The following SGK1 variants were observed in gnomAD, a reference collection of about 807,000 sequenced individuals.
SGK1 encodes serine/threonine-protein kinase Sgk1.
A neutral mutation model predicts 64.2 loss-of-function variants in SGK1; 26 were observed. The observed-to-expected ratio is 0.40, with a 90% CI of 0.30 to 0.56. SGK1 has a LOEUF of 0.56. Among genes scored for constraint, SGK1 ranks in the 20% least tolerant of loss-of-function variants. The pLI is 0.38. For missense variants in SGK1, 519 were observed against 645.6 expected, an observed-to-expected ratio of 0.80 and a Z score of 2.12; for synonymous variants, 265 against 239.7, an observed-to-expected ratio of 1.11 and a Z score of -0.98.
At chr6:134,187,501 T>C (rs936493372) in intron 3 of SGK1, among the ~76,000 whole-genome samples, 7 of 152,188 alleles carry the variant, frequency 4.6e-5, no homozygotes, top group African/African-American at 1.7e-4. Flanking sequence ...TGGATGTTGA[T>C]TCAGAGCATA....
chr6:134,195,991 T>C (rs1238181865), intron 3 of SGK1, among the ~76,000 whole-genome samples: 1 of 152,244 alleles, frequency 6.6e-6, no homozygotes, highest in Non-Finnish European at 1.5e-5. Flanking sequence ...GTAAATGACA[T>C]AATTCTTTCT....
chr6:134,184,665 A>C (rs1343349761), intron 3 of SGK1, among the ~76,000 whole-genome samples: 1 of 152,130 alleles, frequency 6.6e-6, no homozygotes, highest in African/African-American at 2.4e-5. Context: ...ACTAGAAAGT[A>C]GTCTCTATGA....
intron 2 of SGK1, among the ~76,000 whole-genome samples, chr6:134,228,571 C>T (rs1776223866): frequency 1.3e-5 from 2 of 152,154 alleles, no homozygotes; most frequent in South Asian, 4.1e-4. Context: ...TATTCAGAAG[C>T]CAATTTTTTG....
chr6:134,228,881 T>C (rs537062026), intron 2 of SGK1, among the ~76,000 whole-genome samples: 75 of 150,906 alleles, frequency 5.0e-4, no homozygotes, highest in African/African-American at 1.7e-3. Context: ...TCTCGCTCTT[T>C]CACCCAGGTG....
intron 1 of SGK1, among the ~76,000 whole-genome samples, chr6:134,278,184 C>T (rs1163540725): frequency 2.6e-5 from 4 of 152,172 alleles, no homozygotes; most frequent in Admixed American, 2.6e-4. Context: ...GTTGAATGAA[C>T]AAATGATCAA....
At chr6:134,314,864 A>T (rs760059731) in intron 1 of SGK1, among the ~76,000 whole-genome samples, 4 of 151,142 alleles carry the variant, frequency 2.6e-5, no homozygotes, top group African/African-American at 7.3e-5. Flanking sequence ...ACTTTGTAAG[A>T]CTGTCTAGCT....
intron 1 of SGK1, among the ~76,000 whole-genome samples, chr6:134,302,247 CT>C (rs1777469758): frequency 6.6e-6 from 1 of 152,108 alleles, no homozygotes; most frequent in Admixed American, 6.6e-5. Flanking sequence ...CTTTTTGTCC[CT>C]CAGTGCCTTG....
chr6:134,198,015 C>G (rs994090251), intron 3 of SGK1, among the ~76,000 whole-genome samples: 6 of 152,006 alleles, frequency 3.9e-5, no homozygotes, highest in Non-Finnish European at 8.8e-5. Flanking sequence ...TCTAGGGAAG[C>G]CAATCTTTGC....
chr6:134,245,734 T>C (rs929702835), intron 2 of SGK1, among the ~76,000 whole-genome samples: 3 of 152,176 alleles, frequency 2.0e-5, no homozygotes, highest in Non-Finnish European at 4.4e-5. Context: ...CTCATGCCTA[T>C]AATCCCAGAA....
intron 1 of SGK1, among the ~76,000 whole-genome samples, chr6:134,293,934 G>T (rs1330056646): frequency 6.6e-6 from 1 of 152,178 alleles, no homozygotes; most frequent in Admixed American, 6.5e-5. Flanking sequence ...TCCAGAAGGT[G>T]CTAGGTGAAT....
intron 1 of SGK1, among the ~76,000 whole-genome samples, chr6:134,314,377 G>T (rs1777647953): frequency 6.6e-6 from 1 of 152,122 alleles, no homozygotes; most frequent in South Asian, 2.1e-4. Flanking sequence ...AGAAGAGTCT[G>T]TTGTGGAAAC....
intron 2 of SGK1, among the ~76,000 whole-genome samples, chr6:134,254,624 C>T (rs998479206): frequency 6.6e-6 from 1 of 152,296 alleles, no homozygotes; most frequent in Admixed American, 6.5e-5. Context: ...CACCTAATCA[C>T]TGGCCAGTTC....
At chr6:134,229,151 G>A (rs1295740973) in intron 2 of SGK1, among the ~76,000 whole-genome samples, 1 of 152,242 alleles carries the variant, frequency 6.6e-6, no homozygotes, top group African/African-American at 2.4e-5. Flanking sequence ...AGTTGTTCTT[G>A]CTACAAATTA....
At chr6:134,223,493 A>G (rs1268330352) in intron 2 of SGK1, among the ~76,000 whole-genome samples, 8 of 152,132 alleles carry the variant, frequency 5.3e-5, no homozygotes, top group Admixed American at 5.2e-4. Context: ...TGCAAATGAC[A>G]CTATATTCCT....
chr6:134,215,416 G>A (rs1424035473), intron 2 of SGK1, among the ~76,000 whole-genome samples: 5 of 151,558 alleles, frequency 3.3e-5, no homozygotes, highest in Admixed American at 6.6e-5. Flanking sequence ...GCGCCTGGCC[G>A]AGAGTAAGTT....
At chr6:134,181,158 G>C (rs1264525714) in intron 3 of SGK1, among the ~76,000 whole-genome samples, 2 of 152,096 alleles carry the variant, frequency 1.3e-5, no homozygotes, top group Non-Finnish European at 1.5e-5. Context: ...CATATTAAAG[G>C]TGTAACTGAC....
chr6:134,308,969 A>G (rs755596007), intron 1 of SGK1, among the ~76,000 whole-genome samples: 2 of 152,190 alleles, frequency 1.3e-5, no homozygotes, highest in South Asian at 4.1e-4. Context: ...AAGTGGAAGA[A>G]CCACATGACC....
chr6:134,284,488 TTTC>T (rs921541403), intron 1 of SGK1, among the ~76,000 whole-genome samples: 12 of 120,358 alleles, frequency 1.0e-4, no homozygotes, highest in East Asian at 1.1e-3. Flanking sequence ...TCTTTCTTTC[TTTC>T]TTTTTTTTTT....
intron 1 of SGK1, among the ~76,000 whole-genome samples, chr6:134,269,341 C>T (rs994959002): frequency 5.5e-5 from 8 of 146,540 alleles, no homozygotes; most frequent in African/African-American, 9.8e-5. Flanking sequence ...CTTTCAATTT[C>T]GAGAGAGTCA....
Sources: allele counts gnomAD v4.1 joint callset (sites outside exome capture counted in the v4.1 genomes callset), GRCh38; gene constraint gnomAD v4.1.1; transcripts MANE v1.5; gene names NCBI Gene and HGNC (gene_info 2026-07-23, HGNC 2026-07-21).